EPHA3: variants seen among roughly 807,000 people sequenced by gnomAD.
EPHA3 encodes EPH receptor A3.
EPHA3 carries 42 observed loss-of-function variants against 107.1 expected under a neutral mutation model. The observed-to-expected ratio is 0.39, with a 90% CI of 0.31 to 0.51. EPHA3 has a LOEUF of 0.51. Among genes scored for constraint, EPHA3 ranks in the 20% least tolerant of loss-of-function variants. The probability of loss-of-function intolerance (pLI) is 0.78; values close to 1 mark genes in which losing one functional copy is unlikely to be tolerated. For missense variants in EPHA3, 1,183 were observed against 1,211.2 expected (o/e 0.98, Z 0.35); for synonymous variants, 461 against 424.8 (o/e 1.09, Z -1.05).
At chr3:89,232,224 TTTAA>T (rs1230096393) in intron 3 of EPHA3, among the ~76,000 whole-genome samples, 51 of 152,260 alleles carry the variant, frequency 3.3e-4, no homozygotes, top group African/African-American at 1.1e-3. Flanking sequence ...CTTAAGGAAT[TTTAA>T]TTCACATGTA....
intron 5 of EPHA3, among the ~76,000 whole-genome samples, chr3:89,377,358 A>G (rs1353349603): frequency 1.3e-5 from 2 of 152,160 alleles, no homozygotes; most frequent in Non-Finnish European, 2.9e-5. Context: ...TTTAGAACCA[A>G]CATCTGGTCT....
chr3:89,469,042 A>C, intron 15 of EPHA3, among the ~76,000 whole-genome samples: 1 of 152,286 alleles, frequency 6.6e-6, no homozygotes, highest in East Asian at 1.9e-4. Flanking sequence ...GCTAAAGGAA[A>C]AAATTAATAT....
At chr3:89,150,054 C>T (rs1459833023) in intron 2 of EPHA3, among the ~76,000 whole-genome samples, 4 of 152,000 alleles carry the variant, frequency 2.6e-5, no homozygotes, top group Non-Finnish European at 5.9e-5. Flanking sequence ...TGTGGTTGTA[C>T]ATCCATTTCC....
At chr3:89,423,711 T>G (rs1418873073) in intron 11 of EPHA3, among the ~76,000 whole-genome samples, 1 of 151,472 alleles carries the variant, frequency 6.6e-6, no homozygotes, top group Admixed American at 6.6e-5. Context: ...TTTTTACATA[T>G]TTAAACAGCT....
chr3:89,389,130 A>G (rs1313221502), intron 5 of EPHA3, among the ~76,000 whole-genome samples: 1 of 152,182 alleles, frequency 6.6e-6, no homozygotes, highest in Non-Finnish European at 1.5e-5. Context: ...CTGCAAATTG[A>G]TAAGGTTTTG....
At chr3:89,458,318 A>G (rs1710140747) in intron 15 of EPHA3, among the ~76,000 whole-genome samples, 1 of 152,178 alleles carries the variant, frequency 6.6e-6, no homozygotes, top group African/African-American at 2.4e-5. Context: ...TGCCAGTTAT[A>G]TCACAGAAGA....
chr3:89,219,688 G>GTGTTTTTTTTTGTTTTTGT, intron 3 of EPHA3, among the ~76,000 whole-genome samples: 1 of 34,440 alleles, frequency 2.9e-5, no homozygotes, highest in East Asian at 8.5e-4. Context: ...ATTTGGCAAT[G>GTGTTTTTTTTTGTTTTTGT]TTTTTTTTTT....
At chr3:89,246,323 A>T (rs1031510983) in intron 3 of EPHA3, among the ~76,000 whole-genome samples, 5 of 152,244 alleles carry the variant, frequency 3.3e-5, no homozygotes, top group Non-Finnish European at 7.3e-5. Flanking sequence ...GGAAAGAATA[A>T]ATAAACACTT....
At chr3:89,413,049 AT>A (rs1413302782) in intron 9 of EPHA3, 91 bp from the exon 10 acceptor site, 3 of 1,545,650 alleles carry the variant, frequency 1.9e-6, no homozygotes, top group South Asian at 1.2e-5. Context: ...TGGGGTAGGG[AT>A]TTTTTTAAAC....
At chr3:89,276,692 T>G (rs1705814851) in intron 3 of EPHA3, among the ~76,000 whole-genome samples, 1 of 152,140 alleles carries the variant, frequency 6.6e-6, no homozygotes, top group South Asian at 2.1e-4. Flanking sequence ...TTACCATGCC[T>G]TCTGTATTCA....
intron 2 of EPHA3, among the ~76,000 whole-genome samples, chr3:89,183,702 T>G (rs1415689860): frequency 6.6e-6 from 1 of 152,004 alleles, no homozygotes; most frequent in East Asian, 1.9e-4. Context: ...AAAGACTTTA[T>G]GTTCCTTTTG....
At chr3:89,325,948 T>G (rs796353780) in intron 3 of EPHA3, among the ~76,000 whole-genome samples, 1 of 151,268 alleles carries the variant, frequency 6.6e-6, no homozygotes, top group East Asian at 1.9e-4. Flanking sequence ...TTAAGAATTT[T>G]TAAAAATGAA....
At chr3:89,151,051 G>A (rs1704680297) in intron 2 of EPHA3, among the ~76,000 whole-genome samples, 1 of 152,056 alleles carries the variant, frequency 6.6e-6, no homozygotes, top group Non-Finnish European at 1.5e-5. Flanking sequence ...TGTAGAAGAA[G>A]TCTGATCTTT....
At chr3:89,116,001 C>T (rs1707245295) in intron 1 of EPHA3, among the ~76,000 whole-genome samples, 1 of 152,016 alleles carries the variant, frequency 6.6e-6, no homozygotes, top group African/African-American at 2.4e-5. Flanking sequence ...TGAAGAAAAC[C>T]ATATAAATGA....
chr3:89,261,517 A>G (rs1705416857), intron 3 of EPHA3, among the ~76,000 whole-genome samples: 1 of 152,124 alleles, frequency 6.6e-6, no homozygotes, highest in African/African-American at 2.4e-5. Context: ...TTCCAATGGC[A>G]TGCATGCTCT....
At chr3:89,138,545 T>C (rs1308739329) in intron 2 of EPHA3, among the ~76,000 whole-genome samples, 1 of 151,902 alleles carries the variant, frequency 6.6e-6, no homozygotes, top group Non-Finnish European at 1.5e-5. Context: ...AGAGTGTTAC[T>C]AGGATCAGAC....
At chr3:89,430,259 CA>C (rs1327071630) in intron 12 of EPHA3, among the ~76,000 whole-genome samples, 2 of 151,802 alleles carry the variant, frequency 1.3e-5, no homozygotes, top group Non-Finnish European at 2.9e-5. Flanking sequence ...GGGCAGATGA[CA>C]GAAAGATAGA....
At chr3:89,130,400 T>A (rs1442101347) in intron 2 of EPHA3, among the ~76,000 whole-genome samples, 7 of 152,146 alleles carry the variant, frequency 4.6e-5, no homozygotes, top group African/African-American at 9.7e-5. Flanking sequence ...ATATAAATTT[T>A]AAAAAATAAA....
intron 5 of EPHA3, among the ~76,000 whole-genome samples, chr3:89,355,023 C>G (rs1707913130): frequency 6.6e-6 from 1 of 150,784 alleles, no homozygotes; most frequent in South Asian, 2.1e-4. Flanking sequence ...AATGCTAATT[C>G]AAAAGCACCC....
Sources: gnomAD v4.1 joint callset for allele counts (sites outside exome capture counted in the v4.1 genomes callset) on GRCh38, gnomAD v4.1.1 for gene constraint, MANE v1.5 for transcripts, NCBI Gene and HGNC (gene_info 2026-07-23, HGNC 2026-07-21) for gene names.